CHRNA5: variants seen among roughly 807,000 people sequenced by gnomAD.
The protein encoded by CHRNA5 is cholinergic receptor nicotinic alpha 5 subunit.
In CHRNA5, 28 loss-of-function variants were observed where a neutral mutation model predicts 41.2. That is an observed-to-expected ratio of 0.68 (90% CI 0.50 to 0.93). The LOEUF (loss-of-function observed/expected upper bound fraction) is 0.93. CHRNA5 is among the 40% of genes least tolerant of loss of function. CHRNA5 has a pLI of 0.00. For missense variants in CHRNA5, 481 were observed against 581.9 expected (o/e 0.83, Z 1.78); for synonymous variants, 188 against 205.8 (o/e 0.91, Z 0.74).
At chr15:78,572,614 G>A (rs1213154290) in intron 1 of CHRNA5, among the ~76,000 whole-genome samples, 3 of 152,032 alleles carry the variant, frequency 2.0e-5, no homozygotes, top group Non-Finnish European at 2.9e-5. Flanking sequence ...CTCCCAAGTA[G>A]CTGGGATTAC....
At chr15:78,565,770 C>T in exon 1 of CHRNA5, 1 of 1,217,486 alleles carries the variant, frequency 8.2e-7, no homozygotes, top group Non-Finnish European at 1.0e-6. Flanking sequence ...TGCTCTTGGT[C>T]CAGCTGGTCG....
chr15:78,585,360 C>T lies in CHRNA5; in HGVS notation c.259-1285C>T, dbSNP rs76964537. ...CCTCAGGGGTATGCTTCCTTCTGGT[C>T]TCTTCCTTTGTCCTGGGTCACTTAC... On this transcript the variant is annotated intron_variant, in intron 2 of 5. Coordinates refer to ENST00000299565, the Ensembl canonical transcript of CHRNA5. Among the ~76,000 whole-genome samples the T allele has an allele frequency of 9.3e-3, 1,409 of 152,270 alleles. 144 individuals carry two copies. The East Asian group carries it at 0.24, about 26-fold the overall frequency.
exon 6 of CHRNA5, chr15:78,595,012 G>GAGATCACAAACACCTCA (rs1379827343): frequency 6.6e-6 from 1 of 152,224 alleles, no homozygotes; most frequent in Non-Finnish European, 1.5e-5. Flanking sequence ...CTTAGCTGTT[G>GAGATCACAAACACCTCA]AGATCACAAA....
At chr15:78,575,378 T>A (rs1875870) in intron 1 of CHRNA5, among the ~76,000 whole-genome samples, 6,003 of 152,276 alleles carry the variant, frequency 0.039, 358 homozygotes, top group African/African-American at 0.12. Flanking sequence ...TTATCCCATT[T>A]AATTTTTTTT....
At chr15:78,568,505 G>T (rs2052770351) in intron 1 of CHRNA5, among the ~76,000 whole-genome samples, 2 of 151,106 alleles carry the variant, frequency 1.3e-5, no homozygotes. Flanking sequence ...TGGGATACAT[G>T]TGCAGAACCT....
chr15:78,569,543 C>G (rs1424951487), intron 1 of CHRNA5, among the ~76,000 whole-genome samples: 1 of 151,040 alleles, frequency 6.6e-6, no homozygotes, highest in Non-Finnish European at 1.5e-5. Context: ...ACGCCGTTCT[C>G]CTGCCTCAGC....
At position 78,590,468 on chromosome 15, in the gene CHRNA5, G is replaced by A. The variant is rs370722027; in HGVS notation, c.1077G>A (p.Thr359=). 6.8e-6 allele frequency: 11 copies of A among 1,614,128 alleles called. No individual in the cohort carries two copies. The African/African-American group carries it at 9.3e-5, about 14-fold the overall frequency. ...TGGTCCGCAAGATATTTCTTCACAC[G>A]CTTCCCAAACTGCTTTGCATGAGAA... Residue 359 remains threonine (T), a synonymous_variant, in exon 5 of 6, where the codon ACG becomes ACA. Coordinates refer to ENST00000299565, the Ensembl canonical transcript of CHRNA5.
intron 2 of CHRNA5, among the ~76,000 whole-genome samples, chr15:78,584,135 G>C (rs2141414670): frequency 6.6e-6 from 1 of 152,290 alleles, no homozygotes; most frequent in Admixed American, 6.5e-5. Context: ...GGGAGATGAA[G>C]GGTGAGGGCT....
In CHRNA5 at chr15:78,570,302, A is replaced by G. The variant is rs575540721; in HGVS notation, c.106+4477A>G. 4.0e-5 allele frequency among the ~76,000 whole-genome samples: 6 copies of G among 151,884 alleles called. No individual in the cohort carries two copies. The South Asian group carries it at 1.2e-3, about 32-fold the overall frequency. ...GAGGCAGAGTCTTGCTCTGTCACCT[A>G]GGCTGGAGTGCAGTGGCGTGATCTT... On this transcript the variant is annotated intron_variant, in intron 1 of 5. Coordinates refer to ENST00000299565, the Ensembl canonical transcript of CHRNA5.
At chr15:78,575,079 C>T (rs2052845056) in intron 1 of CHRNA5, among the ~76,000 whole-genome samples, 1 of 151,826 alleles carries the variant, frequency 6.6e-6, no homozygotes, top group South Asian at 2.1e-4. Context: ...CTTTGCAGTT[C>T]TGTGTCCTTT....
exon 5 of CHRNA5, chr15:78,590,261 G>A (rs2052999791): frequency 1.2e-6 from 2 of 1,613,750 alleles, no homozygotes; most frequent in South Asian, 1.1e-5. Flanking sequence ...CAGTACTTGT[G>A]TCTTTGACTG....
exon 6 of CHRNA5, chr15:78,593,120 A>G (rs202052590): frequency 3.5e-5 from 56 of 1,611,666 alleles, no homozygotes; most frequent in Non-Finnish European, 4.7e-5. Context: ...TTCATAGCCC[A>G]GGTTCTTGAT....
At chr15:78,568,356 A>T (rs2052768775) in intron 1 of CHRNA5, among the ~76,000 whole-genome samples, 1 of 152,212 alleles carries the variant, frequency 6.6e-6, no homozygotes, top group Non-Finnish European at 1.5e-5. Context: ...TATGGAAGTT[A>T]GATAGTCATT....
chr15:78,565,915 A>G, intron 1 of CHRNA5, 90 bp downstream of exon 1: 1 of 739,612 alleles, frequency 1.4e-6, no homozygotes, highest in Non-Finnish European at 1.8e-6. Context: ...GGCCGCCGGA[A>G]AACCTGGTTG....
intron 1 of CHRNA5, among the ~76,000 whole-genome samples, chr15:78,566,307 C>T (rs1444100669): frequency 6.6e-6 from 1 of 152,128 alleles, no homozygotes; most frequent in African/African-American, 2.4e-5. Flanking sequence ...TTCCTTTCGC[C>T]GGAGATGAAA....
At position 78,565,729 on chromosome 15, in the gene CHRNA5, C is replaced by CG; in HGVS notation, c.15dup (p.Ser6ValfsTer34). 4.2e-6 allele frequency: 5 copies of CG among 1,178,190 alleles called. No individual in the cohort carries two copies. Among genetic ancestry groups the CG allele is most frequent in the Non-Finnish European group, 5.2e-6 (5 of 953,164 alleles). 73.0% of individuals were successfully genotyped at this position (1,178,190 alleles called of 1,614,324 possible). ...GCGCGGGCGCGGGGCGATGGCGGCG[C>CG]GGGGGTCAGGGCCCCGCGCGCTCCG... On this transcript the variant is annotated frameshift_variant, in exon 1 of 6. Coordinates refer to ENST00000299565, the Ensembl canonical transcript of CHRNA5. LOFTEE classifies it high-confidence loss of function.
chr15:78,569,044 CT>C (rs1266548776), intron 1 of CHRNA5, among the ~76,000 whole-genome samples: 1 of 152,096 alleles, frequency 6.6e-6, no homozygotes, highest in African/African-American at 2.4e-5. Flanking sequence ...TATATATGTC[CT>C]TACGTAAACT....
intron 3 of CHRNA5, 103 bp downstream of exon 3, chr15:78,586,792 A>G: frequency 1.2e-6 from 1 of 838,078 alleles, no homozygotes; most frequent in Admixed American, 2.1e-5. Context: ...ATTTGTGAAT[A>G]CAAATGAATA....
chr15:78,570,903 A>T (rs2052798789), intron 1 of CHRNA5, among the ~76,000 whole-genome samples: 1 of 152,136 alleles, frequency 6.6e-6, no homozygotes. Context: ...TAGCCATGAG[A>T]TGCCAGTAGC....
Sources: allele counts gnomAD v4.1 joint callset (sites outside exome capture counted in the v4.1 genomes callset), GRCh38; gene constraint gnomAD v4.1.1; transcripts MANE v1.5; gene names NCBI Gene and HGNC (gene_info 2026-07-23, HGNC 2026-07-21).